Variants in FHIP1A observed in about 807,000 individuals in gnomAD.
FHIP1A encodes FHF complex subunit HOOK-interacting protein 1A.
Under a neutral mutation model 88.6 loss-of-function variants are expected in FHIP1A, and 61 were observed. The ratio of observed to expected loss-of-function variants is 0.69; its 90% CI spans 0.56 to 0.85. FHIP1A has a LOEUF of 0.85. Ranked by LOEUF, FHIP1A falls within the 40% of genes least tolerant of loss-of-function variation. FHIP1A has a pLI of 0.00. For missense variants in FHIP1A, 1,154 were observed against 1,273.5 expected (o/e 0.91, Z 1.43); for synonymous variants, 478 against 496.0 (o/e 0.96, Z 0.48).
rs1296251446 is a variant in FHIP1A at position 151,666,083 on chromosome 4, G to A, written c.*3329G>A. Among the ~76,000 whole-genome samples, 3 of 152,252 alleles carry A rather than the reference G, an allele frequency of 2.0e-5. No individual in the cohort carries two copies. Among genetic ancestry groups the A allele is most frequent in the African/African-American group, 7.2e-5 (3 of 41,464 alleles). ...TAAAGTTCCAGACTGAGTGACTTCT[G>A]TGGTTCAAAATATATGAGAGCACTG... On this transcript the variant is annotated 3_prime_UTR_variant, in exon 14 of 14. Coordinates refer to ENST00000435205, the MANE Select transcript of FHIP1A (RefSeq NM_001109977.3).
intron 3 of FHIP1A, among the ~76,000 whole-genome samples, chr4:151,527,553 G>A (rs927976947): frequency 1.4e-4 from 22 of 151,804 alleles, no homozygotes; most frequent in African/African-American, 4.4e-4. Context: ...GAGCGAGAGC[G>A]AGAGAGAGAG....
At position 151,524,614 on chromosome 4, in the gene FHIP1A, A is replaced by T. The variant is rs114042713; in HGVS notation, c.-122-41524A>T. Among the ~76,000 whole-genome samples, 397 of 152,344 alleles carry T rather than the reference A, an allele frequency of 2.6e-3. 1 individual carries two copies. Among genetic ancestry groups the T allele is most frequent in the Non-Finnish European group, 4.8e-3 (328 of 68,024 alleles). On this transcript the variant is annotated intron_variant, in intron 3 of 13. Transcript: ENST00000435205. ...GCCATGGGTGGTGAACAGAGGGCTG[A>T]TGCTAGGACTGAACTAGGCATAATG...
At chr4:151,458,365 A>G (rs946189371) in intron 2 of FHIP1A, among the ~76,000 whole-genome samples, 2 of 152,184 alleles carry the variant, frequency 1.3e-5, no homozygotes, top group African/African-American at 2.4e-5. Context: ...TCTTGGTCCT[A>G]TAAGGAGGAG....
intron 1 of FHIP1A, among the ~76,000 whole-genome samples, chr4:151,444,609 TTA>T (rs1003097479): frequency 9.9e-5 from 15 of 152,176 alleles, no homozygotes; most frequent in African/African-American, 2.4e-5. Flanking sequence ...CATTTGTCTT[TTA>T]TATATTTATC....
intron 1 of FHIP1A, among the ~76,000 whole-genome samples, chr4:151,435,967 A>G (rs7678823): frequency 0.52 from 78,842 of 152,012 alleles, 20,733 homozygotes; most frequent in Non-Finnish European, 0.55. Context: ...TGATGACATC[A>G]CAATGCTTTT....
chr4:151,645,282 A>G (rs2126901995), intron 9 of FHIP1A, among the ~76,000 whole-genome samples: 1 of 152,270 alleles, frequency 6.6e-6, no homozygotes. Flanking sequence ...ACTGAAGGTT[A>G]AGTGGCAAGT....
intron 2 of FHIP1A, among the ~76,000 whole-genome samples, chr4:151,458,154 C>T (rs1729028071): frequency 6.6e-6 from 1 of 152,178 alleles, no homozygotes; most frequent in Non-Finnish European, 1.5e-5. Flanking sequence ...GCCCATGTCG[C>T]AGAGGTCATA....
chr4:151,468,009 G>A (rs1448552934), intron 2 of FHIP1A, among the ~76,000 whole-genome samples: 2 of 146,078 alleles, frequency 1.4e-5, no homozygotes, highest in East Asian at 4.0e-4. Context: ...AAAAAGCCGG[G>A]CATGTTGGCT....
At chr4:151,496,377 A>G (rs1327352847) in intron 3 of FHIP1A, among the ~76,000 whole-genome samples, 2 of 152,072 alleles carry the variant, frequency 1.3e-5, no homozygotes, top group South Asian at 2.1e-4. Context: ...TGCTTTTAGC[A>G]TCACCATTTC....
chr4:151,596,041 TTA>T (rs939267487), intron 7 of FHIP1A, among the ~76,000 whole-genome samples: 24 of 152,356 alleles, frequency 1.6e-4, no homozygotes, highest in African/African-American at 5.5e-4. Flanking sequence ...TTAATATTTG[TTA>T]TGTGTGAATT....
chr4:151,616,587 T>A (rs1735539504), intron 7 of FHIP1A, among the ~76,000 whole-genome samples: 1 of 151,534 alleles, frequency 6.6e-6, no homozygotes, highest in Non-Finnish European at 1.5e-5. Context: ...TACCTGGAAC[T>A]ACAGGTGCCC....
chr4:151,528,633 C>T (rs146759958), intron 3 of FHIP1A, among the ~76,000 whole-genome samples: 1 of 152,100 alleles, frequency 6.6e-6, no homozygotes, highest in Non-Finnish European at 1.5e-5. Context: ...TTTTGACTGT[C>T]ATTTTTTAAA....
intron 3 of FHIP1A, among the ~76,000 whole-genome samples, chr4:151,502,871 C>T (rs931158117): frequency 2.0e-5 from 3 of 152,204 alleles, no homozygotes; most frequent in Non-Finnish European, 2.9e-5. Flanking sequence ...GCAGTCCTTA[C>T]ATTGTTGGTG....
intron 4 of FHIP1A, among the ~76,000 whole-genome samples, chr4:151,566,885 C>A (rs1322991680): frequency 5.3e-5 from 8 of 152,100 alleles, no homozygotes. Flanking sequence ...GGTTAAATAA[C>A]TTGCTTAAGG....
chr4:151,564,082 C>T (rs1045294094), intron 3 of FHIP1A, among the ~76,000 whole-genome samples: 15 of 152,224 alleles, frequency 9.9e-5, no homozygotes, highest in African/African-American at 3.6e-4. Context: ...ACTGCATTCT[C>T]ACCGTTTCTG....
chr4:151,452,006 G>C (rs1160082328), intron 1 of FHIP1A, among the ~76,000 whole-genome samples: 1 of 151,646 alleles, frequency 6.6e-6, no homozygotes, highest in Admixed American at 6.6e-5. Context: ...TTTTTTGTAG[G>C]GATATGGTCT....
At chr4:151,582,302 G>A (rs1734054436) in intron 5 of FHIP1A, among the ~76,000 whole-genome samples, 1 of 151,562 alleles carries the variant, frequency 6.6e-6, no homozygotes, top group South Asian at 2.1e-4. Flanking sequence ...ATCATTAGAT[G>A]TTTAAAGTTA....
intron 1 of FHIP1A, among the ~76,000 whole-genome samples, chr4:151,418,130 T>G (rs1732964714): frequency 7.2e-6 from 1 of 138,208 alleles, no homozygotes; most frequent in Non-Finnish European, 1.5e-5. Flanking sequence ...CAGGATGATG[T>G]CACTGCATTC....
intron 3 of FHIP1A, among the ~76,000 whole-genome samples, chr4:151,510,940 C>T (rs1404583350): frequency 6.6e-6 from 1 of 152,100 alleles, no homozygotes; most frequent in African/African-American, 2.4e-5. Context: ...CTAGAGATAA[C>T]TAAGTTGAAT....
Sources: gnomAD v4.1 joint callset for allele counts (sites outside exome capture counted in the v4.1 genomes callset) on GRCh38, gnomAD v4.1.1 for gene constraint, MANE v1.5 for transcripts, NCBI Gene and HGNC (gene_info 2026-07-23, HGNC 2026-07-21) for gene names.